Variants in INTS15 observed in about 807,000 individuals in gnomAD.
INTS15 encodes the protein uncharacterized protein C7orf26.
At chr7:6,590,325 G>T in the INTS15 span, 1 of 1,593,436 alleles carries the variant, frequency 6.3e-7, no homozygotes, top group South Asian at 1.1e-5. Context: ...GCGATGCGCT[G>T]AGCGCCGCCA....
the INTS15 span, among the ~76,000 whole-genome samples, chr7:6,606,010 T>G: frequency 5.9e-5 from 9 of 152,008 alleles, no homozygotes; most frequent in African/African-American, 2.2e-4. Context: ...ACCTCTTAGA[T>G]TTGTGACAGT....
At chr7:6,600,613 G>A in the INTS15 span, among the ~76,000 whole-genome samples, 1 of 152,108 alleles carries the variant, frequency 6.6e-6, no homozygotes, top group Non-Finnish European at 1.5e-5. Context: ...AGCCTAGATA[G>A]CTTTCCTTCC....
At chr7:6,601,784 G>A in the INTS15 span, among the ~76,000 whole-genome samples, 1 of 151,710 alleles carries the variant, frequency 6.6e-6, no homozygotes, top group African/African-American at 2.4e-5. Flanking sequence ...AGCCGCCTGA[G>A]TAGCTGGGAC....
the INTS15 span, among the ~76,000 whole-genome samples, chr7:6,592,476 A>G: frequency 6.6e-6 from 1 of 150,942 alleles, no homozygotes; most frequent in Non-Finnish European, 1.5e-5. Flanking sequence ...CTGAGGCAGG[A>G]GAATCGTGTG....
At chr7:6,595,474 G>A in the INTS15 span, among the ~76,000 whole-genome samples, 2 of 152,086 alleles carry the variant, frequency 1.3e-5, no homozygotes, top group Non-Finnish European at 2.9e-5. Context: ...TGAAATGTGT[G>A]TTTTTAATTT....
chr7:6,607,135 A>T, the INTS15 span, among the ~76,000 whole-genome samples: 2 of 151,954 alleles, frequency 1.3e-5, no homozygotes, highest in South Asian at 2.1e-4. The surrounding 1 kb of genome is among the most constrained non-coding windows in gnomAD (Gnocchi z 6.0). Context: ...TTGGGGGATC[A>T]TCCTGGGGAG....
the INTS15 span, among the ~76,000 whole-genome samples, chr7:6,605,273 G>A: frequency 6.6e-6 from 1 of 152,148 alleles, no homozygotes; most frequent in Non-Finnish European, 1.5e-5. Flanking sequence ...ACAGGCATGA[G>A]CCACTGTACC....
the INTS15 span, among the ~76,000 whole-genome samples, chr7:6,596,367 T>C: frequency 1.4e-5 from 2 of 147,378 alleles, no homozygotes; most frequent in African/African-American, 5.0e-5. Flanking sequence ...CCTTCTTTTA[T>C]CTGTCACCCT....
At chr7:6,600,354 G>T in the INTS15 span, 1 of 1,608,692 alleles carries the variant, frequency 6.2e-7, no homozygotes. Context: ...CTGTGCACGA[G>T]AGGTGGGTGC....
the INTS15 span, among the ~76,000 whole-genome samples, chr7:6,604,403 GGGGAGGAAAT>G: frequency 6.6e-6 from 1 of 152,192 alleles, no homozygotes; most frequent in Non-Finnish European, 1.5e-5. Flanking sequence ...ACTGACTGCT[GGGGAGGAAAT>G]GTTGATAGTG....
chr7:6,590,264 G>T, the INTS15 span: 1 of 1,499,996 alleles, frequency 6.7e-7, no homozygotes. Flanking sequence ...GCTCGGCGCG[G>T]GGGCCGCGGC....
At chr7:6,602,293 A>G in the INTS15 span, 4 of 599,128 alleles carry the variant, frequency 6.7e-6, no homozygotes, top group South Asian at 6.4e-5. Flanking sequence ...CGTGAATGGA[A>G]CTCAAGTAGA....
the INTS15 span, chr7:6,590,446 G>A: frequency 1.9e-6 from 3 of 1,598,042 alleles, no homozygotes; most frequent in South Asian, 2.3e-5. Context: ...CGTGTTCCAG[G>A]TGCCCAAGGA....
At chr7:6,602,274 G>GA in the INTS15 span, 1 of 665,186 alleles carries the variant, frequency 1.5e-6, no homozygotes, top group Non-Finnish European at 2.6e-6. Context: ...TGGAGCATCA[G>GA]AAAACGCACG....
At chr7:6,599,250 A>G in the INTS15 span, among the ~76,000 whole-genome samples, 21 of 152,278 alleles carry the variant, frequency 1.4e-4, no homozygotes, top group African/African-American at 5.1e-4. Context: ...AAGTGTCACC[A>G]TCTGTTCTTC....
the INTS15 span, among the ~76,000 whole-genome samples, chr7:6,604,101 A>G: frequency 6.6e-6 from 1 of 152,164 alleles, no homozygotes; most frequent in South Asian, 2.1e-4. Context: ...TTTTTGAGAC[A>G]GTCTTGCTTT....
At chr7:6,600,322 G>T in the INTS15 span, 1 of 1,613,532 alleles carries the variant, frequency 6.2e-7, no homozygotes, top group Non-Finnish European at 8.5e-7. Flanking sequence ...CTCTGCAGGT[G>T]GCCATGGCCT....
chr7:6,590,525 G>A, the INTS15 span: 3 of 1,493,844 alleles, frequency 2.0e-6, no homozygotes, highest in Non-Finnish European at 2.7e-6. Context: ...GGGCGGGCGG[G>A]CCTTTTCCCC....
chr7:6,607,280 G>C, the INTS15 span, among the ~76,000 whole-genome samples: 1 of 152,168 alleles, frequency 6.6e-6, no homozygotes, highest in African/African-American at 2.4e-5. This position sits in a 1 kb window ranked among gnomAD's most constrained non-coding sequence, Gnocchi z 6.0. Context: ...TGTACCACCA[G>C]GACGGGAGGT....
Sources: gnomAD v4.1 joint callset for allele counts (sites outside exome capture counted in the v4.1 genomes callset) on GRCh38, gnomAD v4.1.1 for gene constraint, Gnocchi (gnomAD v3.1) non-coding constraint, MANE v1.5 for transcripts, NCBI Gene and HGNC (gene_info 2026-07-23, HGNC 2026-07-21) for gene names.